The following TBPL1 variants were observed in gnomAD, a reference collection of about 807,000 sequenced individuals.
The protein encoded by TBPL1 is TATA box-binding protein-like 1.
Under a neutral mutation model 22.1 loss-of-function variants are expected in TBPL1, and 4 were observed. The ratio of observed to expected loss-of-function variants is 0.18; its 90% CI spans 0.09 to 0.41. The LOEUF is 0.41. TBPL1 is among the 10% of genes least tolerant of loss of function. The pLI, the probability that TBPL1 is intolerant of heterozygous loss-of-function variation, is 1.00. For missense variants in TBPL1, 115 were observed against 222.3 expected (o/e 0.52, Z 3.07); for synonymous variants, 64 against 71.0 (o/e 0.90, Z 0.50).
chr6:133,977,787 C>G (rs1428026875), intron 1 of TBPL1, among the ~76,000 whole-genome samples: 1 of 152,138 alleles, frequency 6.6e-6, no homozygotes, highest in Non-Finnish European at 1.5e-5. Context: ...AGGGGCCAGG[C>G]TGCTTCTATC....
At chr6:133,983,239 G>A (rs1024300024) in intron 4 of TBPL1, among the ~76,000 whole-genome samples, 1 of 152,232 alleles carries the variant, frequency 6.6e-6, no homozygotes, top group Non-Finnish European at 1.5e-5. Flanking sequence ...GAATGGCAGA[G>A]GCCGTTGACA....
At chr6:133,986,929 T>G (rs776534650) in intron 6 of TBPL1, 32 bp from the exon 7 acceptor site, 1 of 1,513,502 alleles carries the variant, frequency 6.6e-7, no homozygotes, top group Non-Finnish European at 9.0e-7. Context: ...TTCCAACTCT[T>G]CTCACTCCTT....
chr6:133,973,765 G>A (rs2114361968), intron 1 of TBPL1, among the ~76,000 whole-genome samples: 1 of 152,218 alleles, frequency 6.6e-6, no homozygotes, highest in Middle Eastern at 3.4e-3. Context: ...TTCCTGAAGG[G>A]CTACAGTTTT....
chr6:133,982,970 T>G (rs1298697263), intron 4 of TBPL1, 90 bp downstream of exon 4: 2 of 1,204,404 alleles, frequency 1.7e-6, no homozygotes, highest in Non-Finnish European at 2.3e-6. Flanking sequence ...GAAATCACTA[T>G]GCGTACTATT....
chr6:133,982,416 T>A, intron 2 of TBPL1, 152 bp from the exon 3 acceptor site: 1 of 585,290 alleles, frequency 1.7e-6, no homozygotes, highest in South Asian at 3.0e-5. Flanking sequence ...TTTGGTATTG[T>A]ACTTGATTTC....
At chr6:133,976,983 GA>G (rs1428739406) in intron 1 of TBPL1, among the ~76,000 whole-genome samples, 3 of 148,138 alleles carry the variant, frequency 2.0e-5, no homozygotes, top group South Asian at 2.1e-4. Flanking sequence ...AAAAAAAAAA[GA>G]AAAAAAAGAA....
intron 1 of TBPL1, among the ~76,000 whole-genome samples, chr6:133,964,831 C>T (rs1776090926): frequency 6.6e-6 from 1 of 152,086 alleles, no homozygotes; most frequent in African/African-American, 2.4e-5. Context: ...TGACATAGAC[C>T]TTAAACAGGT....
intron 1 of TBPL1, among the ~76,000 whole-genome samples, chr6:133,956,187 T>C (rs930710160): frequency 1.3e-5 from 2 of 152,222 alleles, no homozygotes; most frequent in Non-Finnish European, 2.9e-5. Flanking sequence ...TTGCAGTTGA[T>C]TTTTAGAAGA....
chr6:133,958,037 T>G (rs1775956394), intron 1 of TBPL1, among the ~76,000 whole-genome samples: 1 of 152,202 alleles, frequency 6.6e-6, no homozygotes, highest in Admixed American at 6.5e-5. Context: ...GGGGAAGTAC[T>G]TTTTTTAAGT....
intron 2 of TBPL1, among the ~76,000 whole-genome samples, chr6:133,982,232 T>C (rs1042767396): frequency 1.5e-4 from 23 of 152,192 alleles, no homozygotes; most frequent in Admixed American, 3.9e-4. Context: ...CATGAACAGA[T>C]TTGGTGTGTG....
intron 4 of TBPL1, 98 bp downstream of exon 4, chr6:133,982,978 A>G (rs189338747): frequency 5.5e-6 from 6 of 1,090,054 alleles, no homozygotes; most frequent in African/African-American, 4.8e-5. Context: ...TATGCGTACT[A>G]TTCTTATGAT....
In TBPL1 at chr6:133,987,126, A is replaced by C; in HGVS notation, c.*86A>C. The C allele has an allele frequency of 4.9e-6, 4 of 813,026 alleles. No individual in the cohort carries two copies. Among genetic ancestry groups the C allele is most frequent in the Non-Finnish European group, 7.7e-6 (4 of 518,534 alleles). The allele number at this position is 813,026 out of a possible 1,614,324, so 50.4% of individuals were successfully genotyped here. A position where few individuals can be genotyped will look rare whatever the true frequency, so the allele number is the denominator to read the frequency against. On this transcript the variant is annotated 3_prime_UTR_variant, in exon 7 of 7. Transcript: ENST00000237264. ...ACTCAAAAGGAAAACTGGACCAACA[A>C]TAATTGAGGAAATAGACTCTTTTAT...
chr6:133,978,795 T>G (rs950728296), intron 1 of TBPL1, among the ~76,000 whole-genome samples: 1 of 152,204 alleles, frequency 6.6e-6, no homozygotes, highest in Non-Finnish European at 1.5e-5. Flanking sequence ...AAGACCTTCT[T>G]TATTTAGACT....
intron 1 of TBPL1, among the ~76,000 whole-genome samples, chr6:133,971,759 T>C (rs1459283513): frequency 6.6e-6 from 1 of 152,180 alleles, no homozygotes; most frequent in Non-Finnish European, 1.5e-5. Context: ...TTAAGGTGTT[T>C]TGCTTATTTT....
intron 1 of TBPL1, among the ~76,000 whole-genome samples, chr6:133,958,136 C>G (rs528836870): frequency 6.6e-6 from 1 of 152,180 alleles, no homozygotes; most frequent in Admixed American, 6.5e-5. Context: ...AAAGGAAGGC[C>G]GACAAAGCCT....
chr6:133,980,396 G>A, intron 2 of TBPL1, 136 bp downstream of exon 2: 3 of 1,015,978 alleles, frequency 3.0e-6, no homozygotes, highest in Non-Finnish European at 2.6e-6. Context: ...ACAGAAGTGA[G>A]CCCTGTAAAA....
chr6:133,988,408 C>T lies in TBPL1; in HGVS notation c.*1368C>T, dbSNP rs145764078. ...AAAGCTGAGTGGAGAGTCCAATTAG[C>T]TTCTCAGGAGAAACTTAATGGGGAC... On this transcript the variant is annotated 3_prime_UTR_variant, in exon 7 of 7. Coordinates refer to ENST00000237264, the MANE Select transcript of TBPL1 (RefSeq NM_004865.4). 8 of 152,264 alleles carry T rather than the reference C, an allele frequency of 5.3e-5. No homozygotes were observed. In the East Asian group the frequency reaches 1.5e-3, roughly 29 times the overall value. 9.4% of individuals were successfully genotyped at this position (152,264 alleles called of 1,614,324 possible). A position where few individuals can be genotyped will look rare whatever the true frequency, so the allele number is the denominator to read the frequency against.
chr6:133,970,579 A>G (rs928831000), intron 1 of TBPL1, among the ~76,000 whole-genome samples: 1 of 151,618 alleles, frequency 6.6e-6, no homozygotes, highest in Admixed American at 6.6e-5. Context: ...ACACTCATAT[A>G]TCTGTCACCA....
At chr6:133,977,043 A>T (rs557866629) in intron 1 of TBPL1, among the ~76,000 whole-genome samples, 13 of 152,180 alleles carry the variant, frequency 8.5e-5, no homozygotes, top group African/African-American at 3.1e-4. Flanking sequence ...TATCCTATTG[A>T]AAAGGGATAT....
Sources: gnomAD v4.1 joint callset for allele counts (sites outside exome capture counted in the v4.1 genomes callset) on GRCh38, gnomAD v4.1.1 for gene constraint, MANE v1.5 for transcripts, NCBI Gene and HGNC (gene_info 2026-07-23, HGNC 2026-07-21) for gene names.